NME8: variants seen among roughly 807,000 people sequenced by gnomAD.
The protein encoded by NME8 is protein NME8.
In NME8, 72 loss-of-function variants were observed where a neutral mutation model predicts 82.3. The ratio of observed to expected loss-of-function variants is 0.87; its 90% CI spans 0.72 to 1.06. NME8 has a LOEUF of 1.06. NME8 is among the 50% of genes least tolerant of loss of function. The probability of loss-of-function intolerance (pLI) is 0.00; values close to 1 mark genes in which losing one functional copy is unlikely to be tolerated. For missense variants in NME8, 712 were observed against 685.4 expected (o/e 1.04, Z -0.43); for synonymous variants, 267 against 228.5 (o/e 1.17, Z -1.52).
rs1321028613 is a variant in NME8 at position 37,884,432 on chromosome 7, T to C, written c.1124T>C (p.Ile375Thr). ...YENEDYFNKL[I>T]ENMTSGPSLA... ...AATGAAGACTATTTTAATAAACTTA[T>C]AGAAAACATGACCAGGTAGAATCCA... is the stretch of plus-strand genomic sequence containing the variant. Residue 375 changes from isoleucine (I) to threonine (T), a missense_variant, in exon 13 of 18, where the codon ATA (isoleucine) becomes ACA (threonine). Ile to Thr is a moderately conservative substitution (Grantham distance 89, BLOSUM62 -1). Transcript: ENST00000199447. The C allele has an allele frequency of 5.0e-6, 8 of 1,611,682 alleles. No homozygotes were observed. The Admixed American group carries it at 5.0e-5, about 10-fold the overall frequency.
chr7:37,899,508 A>G (rs1785281400), intron 17 of NME8, among the ~76,000 whole-genome samples: 1 of 151,984 alleles, frequency 6.6e-6, no homozygotes, highest in Non-Finnish European at 1.5e-5. Flanking sequence ...GGGGAACAAC[A>G]CACACTAGAG....
rs905521392 is a variant in NME8 at position 37,863,592 on chromosome 7, T to C, written c.454+130T>C. On this transcript the variant is annotated intron_variant, in intron 8 of 17. Coordinates refer to ENST00000199447, the MANE Select transcript of NME8 (RefSeq NM_016616.5). ...AAGGAGGAATTATTCAGATAAATGATGATTTGGGCCTTGCAAGACTCAGCT... is the reference window on the plus strand; with the variant it reads ...AAGGAGGAATTATTCAGATAAATGACGATTTGGGCCTTGCAAGACTCAGCT... 19 of 694,002 alleles carry C rather than the reference T, an allele frequency of 2.7e-5. No individual in the cohort carries two copies. The Admixed American group carries it at 3.3e-4, about 12-fold the overall frequency. The allele number at this position is 694,002 out of a possible 1,614,324, so 43.0% of individuals were successfully genotyped here.
intron 11 of NME8, among the ~76,000 whole-genome samples, chr7:37,874,757 C>G (rs1033024491): frequency 6.6e-6 from 1 of 151,930 alleles, no homozygotes; most frequent in Non-Finnish European, 1.5e-5. Context: ...GTTAAAAAAA[C>G]CTAATTTAAA....
intron 5 of NME8, among the ~76,000 whole-genome samples, chr7:37,851,558 A>T (rs1784439025): frequency 6.6e-6 from 1 of 152,200 alleles, no homozygotes; most frequent in African/African-American, 2.4e-5. Context: ...ATATGGAAAA[A>T]GAAAGTGAAA....
chr7:37,867,583 C>T, intron 10 of NME8, 119 bp from the exon 11 acceptor site: 1 of 748,738 alleles, frequency 1.3e-6, no homozygotes, highest in Admixed American at 2.0e-5. Context: ...ATAAGAGTAA[C>T]ATTCCTTTGC....
chr7:37,879,203 C>G (rs892839825), intron 12 of NME8, among the ~76,000 whole-genome samples: 7 of 151,932 alleles, frequency 4.6e-5, no homozygotes, highest in Non-Finnish European at 1.0e-4. Flanking sequence ...GGCTGGAGTG[C>G]AATGGGGTGA....
chr7:37,871,444 T>G (rs1784766159), intron 11 of NME8, among the ~76,000 whole-genome samples: 1 of 152,222 alleles, frequency 6.6e-6, no homozygotes, highest in Non-Finnish European at 1.5e-5. Flanking sequence ...TAATTTATCT[T>G]TGCTTTCCAG....
Position 37,862,137 on chromosome 7 carries a change from G to A in NME8, c.380G>A (p.Arg127Gln), listed in dbSNP as rs151218163. The A allele has an allele frequency of 1.7e-5, 27 of 1,600,256 alleles. No homozygotes were observed. Among genetic ancestry groups the A allele is most frequent in the South Asian group, 5.5e-5 (5 of 90,806 alleles). The change falls in exon 7 of 18, where the codon CGA becomes CAA. Residue 127 changes from arginine (R) to glutamine (Q), a missense_variant. Transcript: ENST00000199447. ...ERKIAAGEMA[R>Q]PQYPEIPLVD... ...AAAATTGCAGCAGGTGAAATGGCTC[G>A]ACCTCAGGTAATACTTTGGATTAAC...
intron 14 of NME8, 104 bp downstream of exon 14, chr7:37,885,356 C>T (rs1181188861): frequency 1.3e-6 from 1 of 776,818 alleles, no homozygotes; most frequent in Non-Finnish European, 2.3e-6. Flanking sequence ...AAGGGAGCTT[C>T]TCAGGAAAGC....
intron 11 of NME8, among the ~76,000 whole-genome samples, chr7:37,876,404 A>G (rs1445201781): frequency 6.8e-6 from 1 of 146,864 alleles, no homozygotes; most frequent in Non-Finnish European, 1.5e-5. Flanking sequence ...AATCCAATAA[A>G]ATTGGAAATA....
chr7:37,890,963 C>T (rs1785121056), intron 15 of NME8, among the ~76,000 whole-genome samples: 1 of 151,862 alleles, frequency 6.6e-6, no homozygotes, highest in Non-Finnish European at 1.5e-5. Flanking sequence ...GATATATACC[C>T]ATAGTGGGAT....
rs1356150571 is a variant in NME8, at chr7:37,876,989, C to T, written c.976C>T (p.Leu326Phe). ...GACATTGGCATTACTTCGACCAAAT[C>T]TCTTTCATGAAAGGAAAGGTAGGGA... is the stretch of plus-strand genomic sequence containing the variant. ...EKTLALLRPN[L>F]FHERKDDVLR... Residue 326 changes from leucine (L) to phenylalanine (F), a missense_variant, in exon 12 of 18, where the codon CTC becomes TTC. By Grantham distance (22) the Leu-to-Phe change is conservative. Transcript: ENST00000199447. The T allele has an allele frequency of 6.2e-7, 1 of 1,612,870 alleles. No homozygotes were observed. Among genetic ancestry groups the T allele is most frequent in the Non-Finnish European group, 8.5e-7 (1 of 1,179,288 alleles).
At position 37,888,317 on chromosome 7, in the gene NME8, C is replaced by G; in HGVS notation, c.1288C>G (p.Gln430Glu). 6.2e-7 allele frequency: 1 copy of G among 1,613,552 alleles called. No individual in the cohort carries two copies. Residue 430 changes from glutamine (Q) to glutamate (E), a missense_variant, in exon 15 of 18, where the codon CAG becomes GAG. By Grantham distance (29) the Gln-to-Glu change is conservative. Coordinates refer to ENST00000199447, the MANE Select transcript of NME8 (RefSeq NM_016616.5). ...QFAMDSLPVN[Q>E]LYGSDSLETA... is the part of the protein sequence containing the mutation. ...TGCGATGGACAGTTTGCCGGTCAAC[C>G]AGTTGTATGGCAGCGATTCATTAGA...
chr7:37,883,258 A>C (rs1198299211), intron 12 of NME8, among the ~76,000 whole-genome samples: 2 of 152,196 alleles, frequency 1.3e-5, no homozygotes, highest in Non-Finnish European at 2.9e-5. Context: ...TGTGGTCATC[A>C]GGTACCCTCA....
Position 37,888,426 on chromosome 7 carries a change from G to A in NME8, c.1397G>A (p.Arg466Lys), listed in dbSNP as rs1583643684. 1 of 1,612,136 alleles carries A rather than the reference G, an allele frequency of 6.2e-7. No individual in the cohort carries two copies. Among genetic ancestry groups the A allele is most frequent in the Non-Finnish European group, 8.5e-7 (1 of 1,178,828 alleles). ...AAACCTCATGCAACAAGTGAACAAA[G>A]AGGTAAATATTTAAGAATAAAAGTG... Reference protein sequence around the residue: ...LIKPHATSEQREQILKIVKEA... With the variant: ...LIKPHATSEQKEQILKIVKEA... The change falls in exon 15 of 18, where the codon AGA becomes AAA. Residue 466 changes from arginine to lysine, a missense_variant and splice_region_variant. Transcript: ENST00000199447.
Position 37,850,662 on chromosome 7 carries a change from G to T in NME8, c.125G>T (p.Cys42Phe), listed in dbSNP as rs1327566528. Residue 42 changes from cysteine (C) to phenylalanine (F), a missense_variant, in exon 5 of 18, where the codon TGC (cysteine) becomes TTC (phenylalanine). By Grantham distance (205) the Cys-to-Phe change is radical. Coordinates refer to ENST00000199447, the MANE Select transcript of NME8 (RefSeq NM_016616.5). ...IDVYQAWCGPCRAMQPLFRKL... is the reference protein window; with the variant it reads ...IDVYQAWCGPFRAMQPLFRKL... ...GTTTACCAAGCCTGGTGTGGACCTT[G>T]CAGAGCAATGCAACCTTTATTCAGA... 2.5e-6 allele frequency: 4 copies of T among 1,613,184 alleles called. No individual in the cohort carries two copies. The highest frequency in any genetic ancestry group is 1.1e-5 in the South Asian group (1 of 91,068).
chr7:37,887,640 A>G (rs1389492360), intron 14 of NME8, among the ~76,000 whole-genome samples: 1 of 152,192 alleles, frequency 6.6e-6, no homozygotes, highest in African/African-American at 2.4e-5. Context: ...TTTTCACTGC[A>G]CAGGGCATCT....
chr7:37,858,849 T>C (rs1489423378), intron 6 of NME8, among the ~76,000 whole-genome samples: 2 of 152,182 alleles, frequency 1.3e-5, no homozygotes, highest in African/African-American at 2.4e-5. Context: ...GTTTGGGTCA[T>C]TGGGGCGGAT....
In NME8 at chr7:37,898,026, T is replaced by C. The variant is rs368841896; in HGVS notation, c.*15+919T>C. On this transcript the variant is annotated intron_variant, in intron 17 of 17. Coordinates refer to ENST00000199447, the MANE Select transcript of NME8 (RefSeq NM_016616.5). ...TTTGGGTATAAACCTAGTAATGAAA[T>C]TACTGGATCAAATGGTATCTCTGGT... is the stretch of plus-strand genomic sequence containing the variant. Among the ~76,000 whole-genome samples, 58 of 152,310 alleles carry C rather than the reference T, an allele frequency of 3.8e-4. 1 individual carries two copies. The South Asian group carries it at 0.011, about 30-fold the overall frequency.
Sources: allele counts gnomAD v4.1 joint callset (sites outside exome capture counted in the v4.1 genomes callset), GRCh38; gene constraint gnomAD v4.1.1; transcripts MANE v1.5; gene names NCBI Gene and HGNC (gene_info 2026-07-23, HGNC 2026-07-21).